The following KCND2 variants were observed in gnomAD, a reference collection of about 807,000 sequenced individuals.
KCND2 encodes the protein potassium voltage-gated channel subfamily D member 2, also known as A-type voltage-gated potassium channel KCND2.
A neutral mutation model predicts 54.4 loss-of-function variants in KCND2; 16 were observed. That is an observed-to-expected ratio of 0.29 (90% CI 0.20 to 0.45). The LOEUF is 0.45. KCND2 is among the 20% of genes least tolerant of loss of function. The probability of loss-of-function intolerance (pLI) is 1.00; values close to 1 mark genes in which losing one functional copy is unlikely to be tolerated. For missense variants in KCND2, 486 were observed against 824.2 expected, an observed-to-expected ratio of 0.59 and a Z score of 5.02; for synonymous variants, 317 against 310.7, an observed-to-expected ratio of 1.02 and a Z score of -0.21.
chr7:120,623,263 G>A (rs1232159180), intron 1 of KCND2, among the ~76,000 whole-genome samples: 4 of 152,066 alleles, frequency 2.6e-5, no homozygotes, highest in African/African-American at 7.2e-5. Context: ...GAAAATAAGC[G>A]TGTATTATTA....
chr7:120,688,787 G>A (rs149901792), intron 1 of KCND2, among the ~76,000 whole-genome samples: 32 of 152,228 alleles, frequency 2.1e-4, no homozygotes, highest in African/African-American at 7.7e-4. Context: ...GCCTGGTTAT[G>A]ATTACAAAAA....
chr7:120,534,466 CA>C (rs1791878470), intron 1 of KCND2, among the ~76,000 whole-genome samples: 1 of 152,000 alleles, frequency 6.6e-6, no homozygotes, highest in East Asian at 1.9e-4. Flanking sequence ...GCCATCTAAA[CA>C]AACAAACAAA....
chr7:120,590,836 A>G (rs552626055), intron 1 of KCND2, among the ~76,000 whole-genome samples: 1 of 152,238 alleles, frequency 6.6e-6, no homozygotes, highest in Non-Finnish European at 1.5e-5. Flanking sequence ...AGTTGTATTC[A>G]TTATGTAGAT....
At chr7:120,484,249 C>T (rs568862065) in intron 1 of KCND2, among the ~76,000 whole-genome samples, 35 of 152,092 alleles carry the variant, frequency 2.3e-4, no homozygotes, top group African/African-American at 7.5e-4. Flanking sequence ...ATCAACTAAT[C>T]ATAAGTTTTT....
rs1792254573 is a variant in KCND2 at position 120,563,041 on chromosome 7, A to G, written c.1116-169862A>G. On this transcript the variant is annotated intron_variant, in intron 1 of 5. Transcript: ENST00000331113. ...ATTTGGATTAGAAATGTCATGCAAT[A>G]TGGAATTTGTATATTCTTGGTTTAT... Among the ~76,000 whole-genome samples, 3 of 152,172 alleles carry G rather than the reference A, an allele frequency of 2.0e-5. No homozygotes were observed. The South Asian group carries it at 6.2e-4, about 31-fold the overall frequency.
At chr7:120,458,003 C>G (rs1369441191) in intron 1 of KCND2, among the ~76,000 whole-genome samples, 7 of 152,074 alleles carry the variant, frequency 4.6e-5, no homozygotes, top group African/African-American at 1.4e-4. Context: ...GATATGGTGG[C>G]AGCAAGGAGA....
At chr7:120,532,289 A>G (rs906976049) in intron 1 of KCND2, among the ~76,000 whole-genome samples, 1 of 152,026 alleles carries the variant, frequency 6.6e-6, no homozygotes, top group Non-Finnish European at 1.5e-5. Context: ...TCAAACAAAT[A>G]AATACACATA....
Position 120,741,600 on chromosome 7 carries a change from C to G in KCND2, c.1345C>G (p.Arg449Gly), listed in dbSNP as rs561063026. The G allele has an allele frequency of 5.0e-6, 8 of 1,612,672 alleles. No homozygotes were observed. The highest frequency in any genetic ancestry group is 6.8e-6 in the Non-Finnish European group (8 of 1,179,058). ...GSANAYMQSKRNGLLSNQLQS... is the reference protein window; with the variant it reads ...GSANAYMQSKGNGLLSNQLQS... The stretch of plus-strand genomic sequence containing the variant: ...CGCAAATGCTTACATGCAGAGCAAA[C>G]GGAATGGTTTACTCAGTAATCAGCT... Residue 449 changes from arginine (R) to glycine (G), a missense_variant, in exon 3 of 6, where the codon CGG becomes GGG. By Grantham distance (125) the Arg-to-Gly change is moderately radical. This residue lies in a region of KCND2 where 202 missense variants were observed against 252.7 expected (regional missense o/e 0.80). Coordinates refer to ENST00000331113, the MANE Select transcript of KCND2 (RefSeq NM_012281.3).
chr7:120,292,121 T>C (rs1799443433), intron 1 of KCND2, among the ~76,000 whole-genome samples: 1 of 151,886 alleles, frequency 6.6e-6, no homozygotes, highest in Non-Finnish European at 1.5e-5. Flanking sequence ...TAATAAATAA[T>C]GCAATATTAC....
At chr7:120,666,170 T>C (rs1791924233) in intron 1 of KCND2, among the ~76,000 whole-genome samples, 2 of 152,094 alleles carry the variant, frequency 1.3e-5, no homozygotes, top group South Asian at 4.1e-4. Flanking sequence ...TGGATCAATC[T>C]GGTAAACTGT....
At chr7:120,691,249 T>C (rs1343633683) in intron 1 of KCND2, among the ~76,000 whole-genome samples, 1 of 152,146 alleles carries the variant, frequency 6.6e-6, no homozygotes, top group African/African-American at 2.4e-5. Context: ...ATTTCTAACA[T>C]CTGCTGTAAC....
At chr7:120,288,097 C>G (rs1562997695) in intron 1 of KCND2, among the ~76,000 whole-genome samples, 1 of 152,038 alleles carries the variant, frequency 6.6e-6, no homozygotes, top group East Asian at 1.9e-4. Flanking sequence ...GGATTGTGAG[C>G]TTTTAAAGCT....
intron 2 of KCND2, among the ~76,000 whole-genome samples, chr7:120,735,029 T>C (rs996438961): frequency 6.6e-6 from 1 of 152,126 alleles, no homozygotes; most frequent in African/African-American, 2.4e-5. Context: ...TCAAAGATCT[T>C]CTTCCTTTAG....
chr7:120,577,969 G>A (rs1356909735), intron 1 of KCND2, among the ~76,000 whole-genome samples: 4 of 152,034 alleles, frequency 2.6e-5, no homozygotes, highest in Non-Finnish European at 1.5e-5. Flanking sequence ...GGGAAGCTGA[G>A]GCAGGAGGAT....
intron 1 of KCND2, among the ~76,000 whole-genome samples, chr7:120,360,388 C>T (rs1800576557): frequency 2.6e-5 from 4 of 152,028 alleles, no homozygotes; most frequent in Admixed American, 1.3e-4. Context: ...TATCTTTGAT[C>T]TCTATCTGCC....
intron 1 of KCND2, among the ~76,000 whole-genome samples, chr7:120,642,987 C>T (rs111905463): frequency 7.4e-4 from 113 of 152,282 alleles, no homozygotes; most frequent in African/African-American, 2.6e-3. Context: ...ATGGCATACT[C>T]CAGCTCCCAC....
chr7:120,313,299 CTTA>C (rs1185027800), intron 1 of KCND2, among the ~76,000 whole-genome samples: 11 of 152,028 alleles, frequency 7.2e-5, no homozygotes, highest in Non-Finnish European at 1.0e-4. Flanking sequence ...AGTTGTTCAT[CTTA>C]TTATCATAAT....
chr7:120,335,217 G>A (rs933544156), intron 1 of KCND2, among the ~76,000 whole-genome samples: 2 of 151,758 alleles, frequency 1.3e-5, no homozygotes, highest in African/African-American at 4.8e-5. Flanking sequence ...ACAAAAATTA[G>A]CTGGGCGTGG....
At chr7:120,691,834 G>T (rs563572466) in intron 1 of KCND2, among the ~76,000 whole-genome samples, 1 of 152,278 alleles carries the variant, frequency 6.6e-6, no homozygotes, top group East Asian at 1.9e-4. Context: ...AAGAAGTTGA[G>T]GCAACAAGGA....
Sources: gnomAD v4.1 joint callset for allele counts (sites outside exome capture counted in the v4.1 genomes callset) on GRCh38, gnomAD v4.1.1 for gene constraint, gnomAD v4.1.1 regional missense constraint, MANE v1.5 for transcripts, NCBI Gene and HGNC (gene_info 2026-07-23, HGNC 2026-07-21) for gene names.